The following TMEM135 variants were observed in gnomAD, a reference collection of about 807,000 sequenced individuals.
The protein encoded by TMEM135 is peroxisomal membrane protein 52.
Under a neutral mutation model 60.3 loss-of-function variants are expected in TMEM135, and 30 were observed. The ratio of observed to expected loss-of-function variants is 0.50; its 90% CI spans 0.37 to 0.68. The LOEUF (loss-of-function observed/expected upper bound fraction) is 0.68. Among genes scored for constraint, TMEM135 ranks in the 30% least tolerant of loss-of-function variants. TMEM135 has a pLI of 0.00. For missense variants in TMEM135, 468 were observed against 548.8 expected (o/e 0.85, Z 1.47); for synonymous variants, 190 against 186.7 (o/e 1.02, Z -0.14).
chr11:87,059,468 A>G (rs891247082), intron 1 of TMEM135, among the ~76,000 whole-genome samples: 2 of 151,890 alleles, frequency 1.3e-5, no homozygotes, highest in Non-Finnish European at 2.9e-5. Flanking sequence ...GGCGTGTGCT[A>G]CCACGCCTGG....
At position 87,274,786 on chromosome 11, in the gene TMEM135, CTGTGTGTG is replaced by C. The variant is rs10655114; in HGVS notation, c.510-20960_510-20953del. The stretch of plus-strand genomic sequence containing the variant: ...AACCAGCCTGGGCAACATAGCAAGA[CTGTGTGTG>C]TGTGTGTGTGTGTGTGTGTGTGTGT... On this transcript the variant is annotated intron_variant, in intron 6 of 14. Coordinates refer to ENST00000305494, the MANE Select transcript of TMEM135 (RefSeq NM_022918.4). Among the ~76,000 whole-genome samples the C allele has an allele frequency of 3.9e-3, 498 of 129,280 alleles. 4 individuals are homozygous for C. The highest frequency in any genetic ancestry group is 8.8e-3 in the African/African-American group (296 of 33,646). 84.8% of individuals were successfully genotyped at this position (129,280 alleles called of 152,430 possible).
At chr11:87,130,880 A>C (rs911530231) in intron 4 of TMEM135, among the ~76,000 whole-genome samples, 10 of 151,952 alleles carry the variant, frequency 6.6e-5, no homozygotes, top group African/African-American at 2.4e-4. Flanking sequence ...TGATTAAATA[A>C]ATTGGTTTGT....
chr11:87,236,199 A>G (rs1419466520), intron 5 of TMEM135, among the ~76,000 whole-genome samples: 2 of 151,832 alleles, frequency 1.3e-5, no homozygotes, highest in Non-Finnish European at 2.9e-5. Flanking sequence ...ATATATAATT[A>G]TATACATGAT....
chr11:87,153,070 C>T (rs541558946), intron 4 of TMEM135, among the ~76,000 whole-genome samples: 261 of 152,130 alleles, frequency 1.7e-3, no homozygotes, highest in African/African-American at 5.7e-3. Flanking sequence ...TTTAAAATTC[C>T]GTGATGTTTC....
At chr11:87,198,548 T>TCCCTCCCCTCTC (rs1237180357) in intron 5 of TMEM135, among the ~76,000 whole-genome samples, 2 of 103,180 alleles carry the variant, frequency 1.9e-5, no homozygotes, top group African/African-American at 3.7e-5. Flanking sequence ...CCTTCCCTCC[T>TCCCTCCCCTCTC]CCCTCCCCTC....
At chr11:87,185,749 T>A (rs1397077724) in intron 5 of TMEM135, among the ~76,000 whole-genome samples, 1 of 152,202 alleles carries the variant, frequency 6.6e-6, no homozygotes, top group East Asian at 1.9e-4. Flanking sequence ...ATGGGAAAGA[T>A]AAGATAAAGT....
intron 4 of TMEM135, among the ~76,000 whole-genome samples, chr11:87,102,706 A>ATGTATG (rs1341001987): frequency 5.2e-5 from 2 of 38,620 alleles, no homozygotes; most frequent in Admixed American, 2.8e-4. Flanking sequence ...ATATATATGT[A>ATGTATG]TATATATGTA....
chr11:87,038,842 G>A (rs1047713679), intron 1 of TMEM135, among the ~76,000 whole-genome samples: 2 of 150,194 alleles, frequency 1.3e-5, no homozygotes, highest in Admixed American at 6.6e-5. Context: ...TGTCACCTAG[G>A]ACCTTCTGTT....
At chr11:87,116,132 T>A (rs1857874117) in intron 4 of TMEM135, among the ~76,000 whole-genome samples, 1 of 152,110 alleles carries the variant, frequency 6.6e-6, no homozygotes. Context: ...GTTTGGCCAA[T>A]GAGATGTGTA....
intron 1 of TMEM135, among the ~76,000 whole-genome samples, chr11:87,040,093 T>G (rs1312717667): frequency 6.6e-6 from 1 of 152,244 alleles, no homozygotes; most frequent in African/African-American, 2.4e-5. Flanking sequence ...TGGTTGCTAC[T>G]CCTCGGTAGT....
chr11:87,130,528 C>T (rs558798964), intron 4 of TMEM135, among the ~76,000 whole-genome samples: 41 of 152,206 alleles, frequency 2.7e-4, no homozygotes, highest in African/African-American at 9.6e-4. Context: ...CTGCCATCCC[C>T]TCTTCTTTCC....
At chr11:87,223,667 G>GCACACACACACA (rs113588295) in intron 5 of TMEM135, among the ~76,000 whole-genome samples, 1 of 118,376 alleles carries the variant, frequency 8.4e-6, no homozygotes, top group African/African-American at 2.8e-5. Context: ...GCACATGCAC[G>GCACACACACACA]CACACACACA....
chr11:87,097,453 C>T (rs1414639927), intron 4 of TMEM135, among the ~76,000 whole-genome samples: 2 of 152,190 alleles, frequency 1.3e-5, no homozygotes, highest in Non-Finnish European at 2.9e-5. Flanking sequence ...TGCTGTTCAT[C>T]ACAAGGTGAA....
intron 5 of TMEM135, among the ~76,000 whole-genome samples, chr11:87,199,893 G>A (rs775324599): frequency 3.3e-5 from 5 of 152,182 alleles, no homozygotes; most frequent in Non-Finnish European, 5.9e-5. Context: ...TCATGCCACT[G>A]CACTCCAGCC....
At position 87,300,228 on chromosome 11, in the gene TMEM135, A is replaced by G. The variant is rs1942419901; in HGVS notation, c.552-2068A>G. On this transcript the variant is annotated intron_variant, in intron 7 of 14. Coordinates refer to ENST00000305494, the MANE Select transcript of TMEM135 (RefSeq NM_022918.4). ...TTGAGGATATGTGTAGTCAGTTCAG[A>G]TACGCACTTTGGGAAGCTTCCTCTG... is the stretch of plus-strand genomic sequence containing the variant. Among the ~76,000 whole-genome samples, 3 of 152,210 alleles carry G rather than the reference A, an allele frequency of 2.0e-5. No individual in the cohort carries two copies. The South Asian group carries it at 6.2e-4, about 32-fold the overall frequency.
chr11:87,159,987 A>G (rs913213585), intron 5 of TMEM135, among the ~76,000 whole-genome samples: 27 of 152,138 alleles, frequency 1.8e-4, no homozygotes, highest in Non-Finnish European at 4.4e-5. Flanking sequence ...CAAGTGGTTA[A>G]TTTATTTGTC....
intron 6 of TMEM135, among the ~76,000 whole-genome samples, chr11:87,269,511 A>G (rs1212250194): frequency 1.3e-5 from 2 of 151,212 alleles, no homozygotes; most frequent in Non-Finnish European, 2.9e-5. Flanking sequence ...CCACCCCACA[A>G]CAGTCCCCAG....
rs1942835566 is a variant in TMEM135 at position 87,322,271 on chromosome 11, G to A, written c.*938G>A. On this transcript the variant is annotated 3_prime_UTR_variant, in exon 15 of 15. Transcript: ENST00000305494. ...AGTAGTCTTGGCAAGTTGGCAGTTTGTGTCCTCTCAGCTGTTTAACTTATG... is the reference window on the plus strand; with the variant it reads ...AGTAGTCTTGGCAAGTTGGCAGTTTATGTCCTCTCAGCTGTTTAACTTATG... 1 of 454,132 alleles carries A rather than the reference G, an allele frequency of 2.2e-6. No homozygotes were observed. Among genetic ancestry groups the A allele is most frequent in the East Asian group, 6.9e-5 (1 of 14,402 alleles). The allele number at this position is 454,132 out of a possible 1,614,324, so 28.1% of individuals were successfully genotyped here. A position where few individuals can be genotyped will look rare whatever the true frequency, so the allele number is the denominator to read the frequency against.
intron 5 of TMEM135, among the ~76,000 whole-genome samples, chr11:87,211,645 T>G (rs1055714052): frequency 1.3e-5 from 2 of 152,170 alleles, no homozygotes; most frequent in Non-Finnish European, 2.9e-5. Context: ...GTTTTTCGAC[T>G]GCTCTTTTCT....
Sources: gnomAD v4.1 joint callset for allele counts (sites outside exome capture counted in the v4.1 genomes callset) on GRCh38, gnomAD v4.1.1 for gene constraint, MANE v1.5 for transcripts, NCBI Gene and HGNC (gene_info 2026-07-23, HGNC 2026-07-21) for gene names.